Variants in SCMH1 observed in about 807,000 individuals in gnomAD.
SCMH1 encodes polycomb protein SCMH1.
In SCMH1, 37 loss-of-function variants were observed where a neutral mutation model predicts 70.8. That is an observed-to-expected ratio of 0.52 (90% CI 0.40 to 0.69). The LOEUF (loss-of-function observed/expected upper bound fraction) is 0.69, where lower values mean the gene tolerates loss of function less well. SCMH1 is among the 30% of genes least tolerant of loss of function. SCMH1 has a pLI of 0.00. For missense variants in SCMH1, 607 were observed against 827.3 expected (o/e 0.73, Z 3.27); for synonymous variants, 292 against 307.4 (o/e 0.95, Z 0.52).
chr1:41,032,075 C>A (rs567593356), intron 13 of SCMH1, among the ~76,000 whole-genome samples: 7 of 152,104 alleles, frequency 4.6e-5, no homozygotes, highest in African/African-American at 1.4e-4. Flanking sequence ...GTCTATGAAC[C>A]AGGAAGTGGG....
At chr1:41,187,475 AAC>A (rs1302401556) in intron 1 of SCMH1, among the ~76,000 whole-genome samples, 13 of 146,502 alleles carry the variant, frequency 8.9e-5, no homozygotes, top group East Asian at 8.2e-4. Flanking sequence ...AAAAAAAAAA[AAC>A]CCCAAAAAAC....
At chr1:41,069,275 G>T (rs1655668624) in intron 10 of SCMH1, among the ~76,000 whole-genome samples, 1 of 152,092 alleles carries the variant, frequency 6.6e-6, no homozygotes, top group Admixed American at 6.5e-5. Context: ...GGGGCAAGGA[G>T]ATTAAGAAGA....
intron 1 of SCMH1, among the ~76,000 whole-genome samples, chr1:41,204,563 T>C (rs1018646611): frequency 2.0e-5 from 3 of 152,328 alleles, no homozygotes; most frequent in East Asian, 1.9e-4. Flanking sequence ...AAGTTCCTTA[T>C]GACCTTGGGG....
chr1:41,077,639 T>C (rs1161042770), intron 8 of SCMH1, among the ~76,000 whole-genome samples: 2 of 152,086 alleles, frequency 1.3e-5, no homozygotes, highest in African/African-American at 4.8e-5. Context: ...GCTAAGGAGC[T>C]AGAAATTAGG....
At chr1:41,139,556 T>C (rs1042446717) in intron 6 of SCMH1, among the ~76,000 whole-genome samples, 1 of 152,202 alleles carries the variant, frequency 6.6e-6, no homozygotes, top group Non-Finnish European at 1.5e-5. Context: ...TAATAGCCTC[T>C]CAAATGCTTC....
chr1:41,221,949 ACAT>A, intron 1 of SCMH1, among the ~76,000 whole-genome samples: 1 of 150,932 alleles, frequency 6.6e-6, no homozygotes, highest in Non-Finnish European at 1.5e-5. Context: ...CTGGAGATTG[ACAT>A]CATTAAGCAA....
intron 4 of SCMH1, among the ~76,000 whole-genome samples, chr1:41,154,056 A>G (rs1176505326): frequency 6.6e-6 from 1 of 152,230 alleles, no homozygotes; most frequent in Non-Finnish European, 1.5e-5. Context: ...TGCCTAAATT[A>G]GCATGGCTGT....
intron 9 of SCMH1, among the ~76,000 whole-genome samples, chr1:41,071,407 C>T (rs1273504909): frequency 1.3e-5 from 2 of 152,000 alleles, no homozygotes; most frequent in African/African-American, 2.4e-5. Flanking sequence ...CATTTGTCAA[C>T]GTATTGTCAT....
intron 1 of SCMH1, among the ~76,000 whole-genome samples, chr1:41,205,941 T>G (rs1261018562): frequency 6.6e-6 from 1 of 152,210 alleles, no homozygotes; most frequent in African/African-American, 2.4e-5. Flanking sequence ...CCAACAGACC[T>G]GCAGCTGAGG....
intron 1 of SCMH1, among the ~76,000 whole-genome samples, chr1:41,224,907 C>T (rs1370515733): frequency 6.6e-6 from 1 of 152,104 alleles, no homozygotes; most frequent in Non-Finnish European, 1.5e-5. Flanking sequence ...TTATAAAGGT[C>T]ACACAGCTAG....
intron 10 of SCMH1, among the ~76,000 whole-genome samples, chr1:41,051,202 C>CCATA (rs2148717740): frequency 6.6e-6 from 1 of 152,220 alleles, no homozygotes; most frequent in Admixed American, 6.5e-5. Flanking sequence ...GACCTTGTAG[C>CCATA]CAATGTAAAG....
In SCMH1 at chr1:41,204,174, A is replaced by G. The variant is rs545346630; in HGVS notation, c.-117-17924T>C. Among the ~76,000 whole-genome samples the G allele has an allele frequency of 5.5e-4, 84 of 152,318 alleles. No individual in the cohort carries two copies. In the South Asian group the frequency reaches 7.9e-3, roughly 14 times the overall value. On this transcript the variant is annotated intron_variant, in intron 1 of 14. Coordinates refer to ENST00000337495, the Ensembl canonical transcript of SCMH1. ...TTGGTACATGGTGGAGCTGGGAATC[A>G]AAACAATGGAATTTGGCCAAATTTC...
chr1:41,124,422 T>G (rs918058964), intron 6 of SCMH1, among the ~76,000 whole-genome samples: 2 of 152,172 alleles, frequency 1.3e-5, no homozygotes, highest in African/African-American at 2.4e-5. Context: ...TTGGTTGTCA[T>G]GTTTCTTCAG....
At chr1:41,186,007 T>A in intron 2 of SCMH1, 114 bp downstream of exon 2, 1 of 1,121,788 alleles carries the variant, frequency 8.9e-7, no homozygotes, top group Non-Finnish European at 1.2e-6. Context: ...ACATCATGGC[T>A]ATAAAGAAAA....
chr1:41,195,708 T>C (rs1319844498), intron 1 of SCMH1, among the ~76,000 whole-genome samples: 2 of 152,184 alleles, frequency 1.3e-5, no homozygotes, highest in Non-Finnish European at 2.9e-5. Flanking sequence ...CTGGAAGTTC[T>C]AGCTAAAGTA....
chr1:41,038,363 A>G (rs547297437), intron 12 of SCMH1, among the ~76,000 whole-genome samples: 37 of 152,248 alleles, frequency 2.4e-4, no homozygotes, highest in African/African-American at 8.9e-4. Context: ...ACCCAAACCA[A>G]ATCAGTTCCT....
intron 4 of SCMH1, among the ~76,000 whole-genome samples, chr1:41,154,825 T>C (rs898686632): frequency 2.0e-5 from 3 of 152,242 alleles, no homozygotes; most frequent in Admixed American, 6.5e-5. Flanking sequence ...ATTCAAACAG[T>C]ATAATTTGAA....
chr1:41,037,499 T>C, exon 13 of SCMH1: 2 of 1,614,184 alleles, frequency 1.2e-6, no homozygotes, highest in South Asian at 2.2e-5. Flanking sequence ...TGAGTGTGGT[T>C]CCAAGGAGCG....
chr1:41,152,883 T>C, intron 4 of SCMH1: 1 of 770,516 alleles, frequency 1.3e-6, no homozygotes, highest in Non-Finnish European at 2.0e-6. Flanking sequence ...CAAATAGATT[T>C]GGCCAGAAAT....
Sources: allele counts gnomAD v4.1 joint callset (sites outside exome capture counted in the v4.1 genomes callset), GRCh38; gene constraint gnomAD v4.1.1; transcripts MANE v1.5; gene names NCBI Gene and HGNC (gene_info 2026-07-23, HGNC 2026-07-21).